The following CCDC171 variants were observed in gnomAD, a reference collection of about 807,000 sequenced individuals.
CCDC171 encodes the protein coiled-coil domain-containing protein 171.
CCDC171 carries 177 observed loss-of-function variants against 168.2 expected under a neutral mutation model. The observed-to-expected ratio is 1.05, with a 90% CI of 0.93 to 1.19. The LOEUF (loss-of-function observed/expected upper bound fraction) is 1.19. Among genes scored for constraint, CCDC171 ranks in the 50% most tolerant of loss-of-function variants. The pLI, the probability that CCDC171 is intolerant of heterozygous loss-of-function variation, is 0.00. For missense variants in CCDC171, 1,991 were observed against 1,539.0 expected (o/e 1.29, Z -4.91); for synonymous variants, 687 against 540.8 (o/e 1.27, Z -3.75).
chr9:15,967,038 T>C (rs536546774), intron 25 of CCDC171, among the ~76,000 whole-genome samples: 15 of 152,338 alleles, frequency 9.8e-5, no homozygotes, highest in African/African-American at 2.6e-4. Flanking sequence ...AAGAGAAAAC[T>C]ATGTGATTTT....
At chr9:16,098,190 C>CT in the CCDC171 span, among the ~76,000 whole-genome samples, 1 of 152,232 alleles carries the variant, frequency 6.6e-6, no homozygotes, top group East Asian at 1.9e-4. Context: ...ATCGCTGAGC[C>CT]TTTTTTCCCC....
chr9:15,648,402 A>G (rs1259631793), intron 7 of CCDC171, among the ~76,000 whole-genome samples: 8 of 152,202 alleles, frequency 5.3e-5, no homozygotes, highest in East Asian at 3.8e-4. Flanking sequence ...GGCCAGGGCA[A>G]TCAGGCAGGA....
chr9:15,898,815 T>C (rs934733836), intron 24 of CCDC171, among the ~76,000 whole-genome samples: 6 of 152,118 alleles, frequency 3.9e-5, no homozygotes, highest in Non-Finnish European at 8.8e-5. Flanking sequence ...TTTAGGAAAA[T>C]GTCAAAACCA....
At chr9:15,738,020 C>A (rs1444244483) in intron 16 of CCDC171, among the ~76,000 whole-genome samples, 1 of 152,100 alleles carries the variant, frequency 6.6e-6, no homozygotes, top group Non-Finnish European at 1.5e-5. Context: ...TTAAATATTA[C>A]CATAGCTTAA....
the CCDC171 span, among the ~76,000 whole-genome samples, chr9:16,094,053 C>T: frequency 6.6e-6 from 1 of 152,140 alleles, no homozygotes; most frequent in Non-Finnish European, 1.5e-5. Context: ...AGCATGGACT[C>T]AGGCTAAGCC....
Position 15,626,429 on chromosome 9 carries a change from A to G in CCDC171, c.822+3016A>G, listed in dbSNP as rs189958647. ...GAATGCTTCCAGTTTTTGCCCATTT[A>G]GTATGATATTGGCTGTGGGTTTGTC... is the stretch of plus-strand genomic sequence containing the variant. On this transcript the variant is annotated intron_variant, in intron 7 of 25. Coordinates refer to ENST00000380701, the MANE Select transcript of CCDC171 (RefSeq NM_173550.4). Among the ~76,000 whole-genome samples the G allele has an allele frequency of 1.4e-3, 213 of 152,340 alleles. 1 individual carries two copies. Among genetic ancestry groups the G allele is most frequent in the African/African-American group, 4.4e-3 (182 of 41,586 alleles).
intron 24 of CCDC171, among the ~76,000 whole-genome samples, chr9:15,882,566 G>A (rs1177611): frequency 0.78 from 118,322 of 152,054 alleles, 46,807 homozygotes; most frequent in East Asian, 0.85. Context: ...CTTATTTTAA[G>A]GGCTTGTTGC....
chr9:15,687,009 A>G (rs549313674), intron 10 of CCDC171, among the ~76,000 whole-genome samples: 6 of 152,230 alleles, frequency 3.9e-5, no homozygotes, highest in Non-Finnish European at 8.8e-5. Context: ...ATGCTAGGCC[A>G]TGAAACAAGC....
intron 6 of CCDC171, among the ~76,000 whole-genome samples, chr9:16,027,066 G>A (rs1218572997): frequency 3.3e-5 from 5 of 152,214 alleles, no homozygotes; most frequent in African/African-American, 1.2e-4. Context: ...CAGGGCAGAA[G>A]TAGTTTGGTG....
intron 24 of CCDC171, among the ~76,000 whole-genome samples, chr9:15,894,944 T>C (rs1820710014): frequency 6.6e-6 from 1 of 152,108 alleles, no homozygotes; most frequent in Admixed American, 6.6e-5. Flanking sequence ...TAGAACATAA[T>C]GGGTGCTCAA....
intron 7 of CCDC171, among the ~76,000 whole-genome samples, chr9:15,623,888 AAACAGGAT>A (rs1410571622): frequency 6.6e-6 from 1 of 152,212 alleles, no homozygotes; most frequent in African/African-American, 2.4e-5. Flanking sequence ...TACAGATGAA[AAACAGGAT>A]TTTTATTCGT....
At chr9:15,685,733 A>G (rs1458420642) in intron 10 of CCDC171, among the ~76,000 whole-genome samples, 1 of 152,192 alleles carries the variant, frequency 6.6e-6, no homozygotes, top group Non-Finnish European at 1.5e-5. Context: ...CTTCATTAAT[A>G]AAACTGAAAC....
At chr9:15,706,040 A>G (rs1278965677) in intron 11 of CCDC171, among the ~76,000 whole-genome samples, 4 of 152,228 alleles carry the variant, frequency 2.6e-5, no homozygotes, top group Non-Finnish European at 5.9e-5. Flanking sequence ...TTCATGGATC[A>G]TAGAAATGCC....
chr9:15,773,998 C>A (rs2057158267), intron 18 of CCDC171, among the ~76,000 whole-genome samples: 1 of 152,106 alleles, frequency 6.6e-6, no homozygotes, highest in African/African-American at 2.4e-5. Context: ...GTAATCCCAG[C>A]ACTTTGGGAG....
the CCDC171 span, among the ~76,000 whole-genome samples, chr9:16,092,160 G>A: frequency 6.6e-6 from 1 of 152,252 alleles, no homozygotes; most frequent in South Asian, 2.1e-4. Context: ...TTGCTTATCA[G>A]CTCTGGGACC....
At chr9:15,841,442 C>T (rs116786281) in intron 21 of CCDC171, among the ~76,000 whole-genome samples, 3,692 of 151,960 alleles carry the variant, frequency 0.024, 160 homozygotes, top group African/African-American at 0.084. Flanking sequence ...ACATCTGTTG[C>T]CTTACTAGAC....
At chr9:15,771,116 A>C (rs1266999878) in intron 18 of CCDC171, among the ~76,000 whole-genome samples, 1 of 152,110 alleles carries the variant, frequency 6.6e-6, no homozygotes, top group African/African-American at 2.4e-5. Context: ...TTTGATGAGT[A>C]TTTATTTTTT....
At chr9:15,736,515 GATTTTTGT>G in intron 16 of CCDC171, among the ~76,000 whole-genome samples, 1 of 151,910 alleles carries the variant, frequency 6.6e-6, no homozygotes, top group Non-Finnish European at 1.5e-5. Context: ...ATGCTCTGCT[GATTTTTGT>G]ATTTTTTAAG....
At chr9:15,700,612 T>C (rs530065048) in intron 11 of CCDC171, among the ~76,000 whole-genome samples, 25 of 152,296 alleles carry the variant, frequency 1.6e-4, no homozygotes, top group Middle Eastern at 6.8e-3. Flanking sequence ...CTCAATATGG[T>C]AGCTTTATTT....
Sources: allele counts gnomAD v4.1 joint callset (sites outside exome capture counted in the v4.1 genomes callset), GRCh38; gene constraint gnomAD v4.1.1; transcripts MANE v1.5; gene names NCBI Gene and HGNC (gene_info 2026-07-23, HGNC 2026-07-21).